Variants in STAG1 observed in about 807,000 individuals in gnomAD.
STAG1 encodes the protein STAG1 cohesin complex component, also known as cohesin subunit SA-1.
A neutral mutation model predicts 170.9 loss-of-function variants in STAG1; 26 were observed. The observed-to-expected ratio is 0.15, with a 90% CI of 0.11 to 0.21. STAG1 has a LOEUF of 0.21. STAG1 is among the 10% of genes least tolerant of loss of function. STAG1 has a pLI of 1.00. For synonymous variants in STAG1, 514 were observed against 497.7 expected (o/e 1.03, Z -0.44); for missense variants, 964 against 1,509.5 (o/e 0.64, Z 5.99).
intron 1 of STAG1, among the ~76,000 whole-genome samples, chr3:136,727,419 A>T (rs1018712554): frequency 6.6e-6 from 1 of 152,260 alleles, no homozygotes; most frequent in Non-Finnish European, 1.5e-5. Flanking sequence ...ATATGTGAAG[A>T]AAATGGCATG....
At chr3:136,346,438 T>A (rs1936224660) in intron 29 of STAG1, among the ~76,000 whole-genome samples, 1 of 152,250 alleles carries the variant, frequency 6.6e-6, no homozygotes, top group Non-Finnish European at 1.5e-5. Context: ...GTTCTGTGCA[T>A]GCAACCCATC....
At chr3:136,447,956 C>G (rs1403724988) in intron 14 of STAG1, among the ~76,000 whole-genome samples, 3 of 152,072 alleles carry the variant, frequency 2.0e-5, no homozygotes, top group Non-Finnish European at 2.9e-5. Context: ...GTCATACTAC[C>G]TCTAGGGAAA....
intron 1 of STAG1, among the ~76,000 whole-genome samples, chr3:136,690,056 CAAAA>C (rs57082567): frequency 8.9e-5 from 5 of 56,406 alleles, no homozygotes; most frequent in South Asian, 7.7e-4. Context: ...AAAAGCAAAC[CAAAA>C]AAAAAAAAAA....
intron 6 of STAG1, among the ~76,000 whole-genome samples, chr3:136,524,270 T>C (rs527660981): frequency 3.5e-4 from 53 of 152,322 alleles, no homozygotes; most frequent in Non-Finnish European, 6.2e-4. Flanking sequence ...TTTTATTTCA[T>C]TGAGCAGTGG....
At chr3:136,628,195 C>A (rs1940188117) in intron 2 of STAG1, among the ~76,000 whole-genome samples, 1 of 152,070 alleles carries the variant, frequency 6.6e-6, no homozygotes, top group African/African-American at 2.4e-5. Flanking sequence ...CCCCACTTCT[C>A]TCTCTCCTGC....
chr3:136,629,882 C>T (rs1940260358), intron 2 of STAG1, among the ~76,000 whole-genome samples: 1 of 152,174 alleles, frequency 6.6e-6, no homozygotes, highest in Non-Finnish European at 1.5e-5. Flanking sequence ...CCTGTGATCA[C>T]ATTTCCCAGA....
chr3:136,729,043 C>T lies in STAG1; in HGVS notation c.-84+23152G>A, dbSNP rs116118065. Among the ~76,000 whole-genome samples, 269 of 152,290 alleles carry T rather than the reference C, an allele frequency of 1.8e-3. 2 individuals carry two copies. Among genetic ancestry groups the T allele is most frequent in the African/African-American group, 6.2e-3 (258 of 41,548 alleles). On this transcript the variant is annotated intron_variant, in intron 1 of 33. Coordinates refer to ENST00000383202, the MANE Select transcript of STAG1 (RefSeq NM_005862.3). The stretch of plus-strand genomic sequence containing the variant: ...ATTGCCCAGGCGAGAGTGAAAGGCA[C>T]GATCTTGGCTCACCGCAGCCTCTGC...
At chr3:136,711,095 G>A (rs1161366924) in intron 1 of STAG1, among the ~76,000 whole-genome samples, 1 of 151,252 alleles carries the variant, frequency 6.6e-6, no homozygotes, top group Non-Finnish European at 1.5e-5. Context: ...TATGGCATAA[G>A]AAAATCAAGT....
intron 4 of STAG1, among the ~76,000 whole-genome samples, chr3:136,570,801 T>A (rs548208168): frequency 6.6e-6 from 1 of 152,352 alleles, no homozygotes; most frequent in East Asian, 1.9e-4. Flanking sequence ...TTTCCCTTCC[T>A]CCAAGTGAAA....
chr3:136,614,006 G>A (rs1458490317), intron 3 of STAG1, among the ~76,000 whole-genome samples: 3 of 152,116 alleles, frequency 2.0e-5, no homozygotes, highest in East Asian at 1.9e-4. Flanking sequence ...GCTGAGGTCA[G>A]GAGTTTGAGA....
intron 1 of STAG1, among the ~76,000 whole-genome samples, chr3:136,742,916 T>C (rs183669430): frequency 6.6e-4 from 101 of 152,166 alleles, no homozygotes; most frequent in African/African-American, 2.2e-3. Flanking sequence ...CTAAAATCTA[T>C]AACCTAAAAT....
chr3:136,528,505 C>CG (rs397727041), intron 6 of STAG1, among the ~76,000 whole-genome samples: 9 of 146,624 alleles, frequency 6.1e-5, no homozygotes, highest in East Asian at 4.0e-4. Flanking sequence ...CCCCCCCCCC[C>CG]AAAAAATCAC....
At chr3:136,605,742 A>G (rs1370291760) in intron 3 of STAG1, among the ~76,000 whole-genome samples, 1 of 152,218 alleles carries the variant, frequency 6.6e-6, no homozygotes, top group African/African-American at 2.4e-5. Flanking sequence ...AAATTGAAAT[A>G]AATTTGCCCT....
intron 1 of STAG1, among the ~76,000 whole-genome samples, chr3:136,645,522 T>C (rs1025491130): frequency 2.6e-5 from 4 of 152,230 alleles, no homozygotes; most frequent in African/African-American, 9.6e-5. Flanking sequence ...CAAATGTTAC[T>C]GGATGAAGTA....
chr3:136,459,835 T>C (rs1392161748), intron 13 of STAG1, among the ~76,000 whole-genome samples: 1 of 152,108 alleles, frequency 6.6e-6, no homozygotes, highest in Non-Finnish European at 1.5e-5. Flanking sequence ...CTAAAACCTA[T>C]GAAGTACAGT....
At chr3:136,461,354 A>T (rs1173423226) in intron 13 of STAG1, among the ~76,000 whole-genome samples, 3 of 152,204 alleles carry the variant, frequency 2.0e-5, no homozygotes, top group Admixed American at 2.0e-4. Context: ...AATGAAATAA[A>T]AGACATCCAA....
At chr3:136,695,094 T>A (rs1233182371) in intron 1 of STAG1, among the ~76,000 whole-genome samples, 1 of 152,230 alleles carries the variant, frequency 6.6e-6, no homozygotes, top group Non-Finnish European at 1.5e-5. Context: ...TAGACTGTTT[T>A]TTGGCCTTGG....
chr3:136,561,276 T>C (rs1409387530), intron 5 of STAG1, among the ~76,000 whole-genome samples: 1 of 152,348 alleles, frequency 6.6e-6, no homozygotes, highest in Admixed American at 6.5e-5. Flanking sequence ...CTTATAGATT[T>C]TGAGTCAGTT....
At chr3:136,608,553 A>G (rs989799499) in intron 3 of STAG1, among the ~76,000 whole-genome samples, 1 of 140,248 alleles carries the variant, frequency 7.1e-6, no homozygotes, top group African/African-American at 2.7e-5. Context: ...AGAACTGCAC[A>G]CTGGTAATAC....
Sources: allele counts gnomAD v4.1 joint callset (sites outside exome capture counted in the v4.1 genomes callset), GRCh38; gene constraint gnomAD v4.1.1; transcripts MANE v1.5; gene names NCBI Gene and HGNC (gene_info 2026-07-23, HGNC 2026-07-21).